The following EXOC6B variants were observed in gnomAD, a reference collection of about 807,000 sequenced individuals.
EXOC6B encodes SEC15 homolog B.
EXOC6B carries 54 observed loss-of-function variants against 113.5 expected under a neutral mutation model. The ratio of observed to expected loss-of-function variants is 0.48; its 90% CI spans 0.38 to 0.60. The LOEUF is 0.60. Ranked by LOEUF, EXOC6B falls within the 20% of genes least tolerant of loss-of-function variation. The pLI is 0.00. For synonymous variants in EXOC6B, 357 were observed against 339.0 expected (o/e 1.05, Z -0.58); for missense variants, 797 against 977.5 (o/e 0.82, Z 2.46).
chr2:72,621,753 A>T (rs1407898896), intron 6 of EXOC6B, among the ~76,000 whole-genome samples: 1 of 152,210 alleles, frequency 6.6e-6, no homozygotes, highest in Non-Finnish European at 1.5e-5. Context: ...TCACATGTAC[A>T]TTAATACAGA....
At chr2:72,699,812 G>A (rs1218148940) in intron 6 of EXOC6B, among the ~76,000 whole-genome samples, 3 of 152,090 alleles carry the variant, frequency 2.0e-5, no homozygotes, top group Non-Finnish European at 4.4e-5. Context: ...CGCAAAAGTA[G>A]GCTAAGACCA....
chr2:72,319,143 G>C (rs142546007), intron 20 of EXOC6B, among the ~76,000 whole-genome samples: 1 of 151,868 alleles, frequency 6.6e-6, no homozygotes, highest in East Asian at 1.9e-4. Context: ...CAAAACATTA[G>C]AAATAACATA....
rs1292799124 is a variant in EXOC6B, at chr2:72,447,081, C to T, written c.1980+18079G>A. 7.3e-5 allele frequency among the ~76,000 whole-genome samples: 11 copies of T among 150,044 alleles called. No homozygotes were observed. In the Middle Eastern group the frequency reaches 0.014, roughly 191 times the overall value. ...ATCGCACCACTGCACTCTAGTCTGG[C>T]GACAGAGTGAGACTTCGTCTCAAAA... On this transcript the variant is annotated intron_variant, in intron 18 of 21. Transcript: ENST00000272427.
chr2:72,386,370 T>C lies in EXOC6B; in HGVS notation c.1981-6500A>G, dbSNP rs115470328. Among the ~76,000 whole-genome samples, 879 of 152,202 alleles carry C rather than the reference T, an allele frequency of 5.8e-3. 10 individuals are homozygous for C. Among genetic ancestry groups the C allele is most frequent in the African/African-American group, 0.02 (812 of 41,526 alleles). On this transcript the variant is annotated intron_variant, in intron 18 of 21. Coordinates refer to ENST00000272427, the MANE Select transcript of EXOC6B (RefSeq NM_015189.3). ...GCTGAGCAACCACTTGCTAGAGGAA[T>C]CTGCATAACTAAAAGGAAGGTAAGT...
At chr2:72,451,412 G>C (rs2105362713) in intron 18 of EXOC6B, among the ~76,000 whole-genome samples, 1 of 152,136 alleles carries the variant, frequency 6.6e-6, no homozygotes, top group East Asian at 1.9e-4. Context: ...AAAATAGTAG[G>C]CCAATAAAAC....
intron 18 of EXOC6B, among the ~76,000 whole-genome samples, chr2:72,380,578 T>G (rs1198908196): frequency 6.6e-6 from 1 of 151,762 alleles, no homozygotes; most frequent in African/African-American, 2.4e-5. Flanking sequence ...AGGCAGAGCT[T>G]GCAGTGAGCA....
chr2:72,503,452 A>G (rs1282652416), intron 11 of EXOC6B, among the ~76,000 whole-genome samples: 1 of 152,190 alleles, frequency 6.6e-6, no homozygotes, highest in African/African-American at 2.4e-5. Flanking sequence ...TATAGTATGT[A>G]GCCTTTTCAG....
chr2:72,602,408 G>A (rs1670490485), intron 6 of EXOC6B, among the ~76,000 whole-genome samples: 2 of 152,124 alleles, frequency 1.3e-5, no homozygotes, highest in Admixed American at 6.6e-5. Context: ...ACGTGAGAAA[G>A]AGACAGAATA....
At chr2:72,443,694 A>T (rs1696374474) in intron 18 of EXOC6B, among the ~76,000 whole-genome samples, 1 of 152,232 alleles carries the variant, frequency 6.6e-6, no homozygotes, top group Admixed American at 6.5e-5. Flanking sequence ...GGCAGACAAG[A>T]GAGAATATGT....
intron 17 of EXOC6B, among the ~76,000 whole-genome samples, chr2:72,475,738 C>T (rs1558707291): frequency 1.3e-5 from 2 of 152,144 alleles, no homozygotes; most frequent in Admixed American, 6.5e-5. Context: ...GGCAGTGCCA[C>T]CTTCAGTATT....
chr2:72,538,283 T>A (rs777857055), intron 8 of EXOC6B, among the ~76,000 whole-genome samples: 9 of 151,976 alleles, frequency 5.9e-5, no homozygotes, highest in Non-Finnish European at 1.3e-4. Flanking sequence ...ATAAGAGAGA[T>A]GGGATAAAAT....
At chr2:72,614,407 G>T (rs1204918997) in intron 6 of EXOC6B, among the ~76,000 whole-genome samples, 1 of 152,066 alleles carries the variant, frequency 6.6e-6, no homozygotes, top group Non-Finnish European at 1.5e-5. Flanking sequence ...ACACTGAACA[G>T]CCTGTATATG....
At chr2:72,368,059 C>T (rs1690750830) in intron 19 of EXOC6B, among the ~76,000 whole-genome samples, 2 of 152,192 alleles carry the variant, frequency 1.3e-5, no homozygotes, top group Non-Finnish European at 2.9e-5. Context: ...GGACAGTAAC[C>T]CAGCCAGGGC....
At chr2:72,814,929 T>C (rs1410817329) in intron 1 of EXOC6B, among the ~76,000 whole-genome samples, 1 of 152,130 alleles carries the variant, frequency 6.6e-6, no homozygotes, top group Admixed American at 6.5e-5. Context: ...AGGCGGAGCT[T>C]GCAGTGAACC....
chr2:72,299,421 C>G (rs1686358346), intron 20 of EXOC6B, among the ~76,000 whole-genome samples: 1 of 151,980 alleles, frequency 6.6e-6, no homozygotes, highest in African/African-American at 2.4e-5. Flanking sequence ...ATGAATTCAT[C>G]TAACCTTTTT....
intron 19 of EXOC6B, among the ~76,000 whole-genome samples, chr2:72,363,187 C>A (rs1487493605): frequency 1.3e-5 from 2 of 152,026 alleles, no homozygotes; most frequent in East Asian, 1.9e-4. Flanking sequence ...AGGTCATTAT[C>A]AATTTTTAAA....
At chr2:72,189,845 T>C (rs2104269965) in intron 20 of EXOC6B, among the ~76,000 whole-genome samples, 1 of 128,888 alleles carries the variant, frequency 7.8e-6, no homozygotes, top group African/African-American at 3.5e-5. Context: ...TCTCTCTCTC[T>C]TTCTCCTTCT....
rs374985104 is a variant in EXOC6B, at chr2:72,718,295, T to G, written c.477A>C (p.Ala159=). The stretch of plus-strand genomic sequence containing the variant: ...GCTCTAGATGTTCCAGAGTTTTCAG[T>G]GCAGGATAATGCCTACAAAAGGAAT... ...DQMKTKRHYP[A]LKTLEHLEHT... is the part of the protein sequence containing the mutation. Residue 159 remains alanine, a synonymous_variant, in exon 6 of 22, where the codon GCA becomes GCC. Coordinates refer to ENST00000272427, the MANE Select transcript of EXOC6B (RefSeq NM_015189.3). 2.5e-6 allele frequency: 4 copies of G among 1,613,478 alleles called. No individual in the cohort carries two copies. The African/African-American group carries it at 5.3e-5, about 22-fold the overall frequency.
At chr2:72,215,810 C>T (rs1680493725) in intron 20 of EXOC6B, among the ~76,000 whole-genome samples, 3 of 151,784 alleles carry the variant, frequency 2.0e-5, no homozygotes, top group Admixed American at 6.6e-5. Context: ...CTTCTGGAGG[C>T]CTTGAGGAGA....
Sources: allele counts gnomAD v4.1 joint callset (sites outside exome capture counted in the v4.1 genomes callset), GRCh38; gene constraint gnomAD v4.1.1; transcripts MANE v1.5; gene names NCBI Gene and HGNC (gene_info 2026-07-23, HGNC 2026-07-21).